USP32: variants seen among roughly 807,000 people sequenced by gnomAD.
The protein encoded by USP32 is ubiquitin carboxyl-terminal hydrolase 32.
In USP32, 59 loss-of-function variants were observed where a neutral mutation model predicts 204.8. The observed-to-expected ratio is 0.29, with a 90% CI of 0.23 to 0.36. USP32 has a LOEUF of 0.36. Among genes scored for constraint, USP32 ranks in the 10% least tolerant of loss-of-function variants. The pLI is 1.00. For synonymous variants in USP32, 517 were observed against 678.4 expected (o/e 0.76, Z 3.70); for missense variants, 1,160 against 1,946.4 (o/e 0.60, Z 7.60).
intron 1 of USP32, among the ~76,000 whole-genome samples, chr17:60,410,103 A>T (rs1446706617): frequency 6.6e-6 from 1 of 152,208 alleles, no homozygotes; most frequent in Non-Finnish European, 1.5e-5. Flanking sequence ...AAGATTTGTA[A>T]TCTCCCCAGT....
chr17:60,371,924 T>C (rs2146088979), intron 1 of USP32, among the ~76,000 whole-genome samples: 1 of 152,324 alleles, frequency 6.6e-6, no homozygotes, highest in African/African-American at 2.4e-5. Context: ...AAACAAACAT[T>C]GTGCTAGAAA....
At chr17:60,245,867 T>TA (rs202153149) in intron 11 of USP32, among the ~76,000 whole-genome samples, 7 of 151,410 alleles carry the variant, frequency 4.6e-5, no homozygotes, top group Non-Finnish European at 7.4e-5. Flanking sequence ...TGTTTTTTTT[T>TA]AAAAAGCTTT....
intron 1 of USP32, among the ~76,000 whole-genome samples, chr17:60,397,788 CAAAA>C (rs550965787): frequency 6.6e-6 from 1 of 151,798 alleles, no homozygotes; most frequent in African/African-American, 2.4e-5. Context: ...TCCTGATACT[CAAAA>C]AAAATTCTGA....
Position 60,190,776 on chromosome 17 carries a change from G to A in USP32, c.3522-93C>T, listed in dbSNP as rs757347774. 2.0e-6 allele frequency: 3 copies of A among 1,516,598 alleles called. No homozygotes were observed. In the Admixed American group the frequency reaches 7.6e-5, roughly 38 times the overall value. The allele number at this position is 1,516,598 out of a possible 1,614,324, so 93.9% of individuals were successfully genotyped here. On this transcript the variant is annotated intron_variant, in intron 28 of 33. Coordinates refer to ENST00000300896, the MANE Select transcript of USP32 (RefSeq NM_032582.4). ...AAATATTCTCCCTTCCTACTTTTCTGCTTTCCTCTTGGGCCTCACAATTTG... is the reference window on the plus strand; with the variant it reads ...AAATATTCTCCCTTCCTACTTTTCTACTTTCCTCTTGGGCCTCACAATTTG...
rs367808662 is a variant in USP32, at chr17:60,189,119, G to A, written c.3642+1444C>T. 3.3e-5 allele frequency among the ~76,000 whole-genome samples: 5 copies of A among 152,374 alleles called. No individual in the cohort carries two copies. In the South Asian group the frequency reaches 1.0e-3, roughly 32 times the overall value. ...AGATTTTGTGCTGACAAAGATTTAT[G>A]AATCTATCAACTAGTAAAATTTTCC... On this transcript the variant is annotated intron_variant, in intron 29 of 33. Coordinates refer to ENST00000300896, the MANE Select transcript of USP32 (RefSeq NM_032582.4).
intron 28 of USP32, among the ~76,000 whole-genome samples, chr17:60,191,398 T>C (rs979795015): frequency 2.8e-5 from 3 of 108,780 alleles, no homozygotes; most frequent in Non-Finnish European, 5.0e-5. Context: ...TGAGACTCTG[T>C]TTAAAAAAAA....
intron 14 of USP32, 124 bp from the exon 15 acceptor site, chr17:60,222,673 CT>C: frequency 1.6e-6 from 1 of 616,782 alleles, no homozygotes; most frequent in Non-Finnish European, 2.6e-6. Context: ...GCTGGAAAAA[CT>C]TAATTTTTTT....
intron 2 of USP32, among the ~76,000 whole-genome samples, chr17:60,331,760 T>C (rs1453786086): frequency 1.4e-5 from 2 of 145,266 alleles, no homozygotes; most frequent in Non-Finnish European, 3.0e-5. Flanking sequence ...TAGCCAGGCA[T>C]AGTGGCATGC....
chr17:60,235,631 T>C (rs913363801), intron 12 of USP32, among the ~76,000 whole-genome samples: 1 of 152,220 alleles, frequency 6.6e-6, no homozygotes, highest in Non-Finnish European at 1.5e-5. Context: ...ATTACTCTTT[T>C]CAATTTTCTA....
At chr17:60,190,430 G>A (rs1304094882) in intron 29 of USP32, 133 bp downstream of exon 29, 2 of 1,237,784 alleles carry the variant, frequency 1.6e-6, no homozygotes, top group African/African-American at 3.1e-5. Context: ...AATATATTAG[G>A]TGCCATAGAG....
intron 1 of USP32, among the ~76,000 whole-genome samples, chr17:60,387,690 A>T (rs1240475567): frequency 5.1e-4 from 77 of 152,212 alleles, no homozygotes; most frequent in Non-Finnish European, 9.1e-4. Context: ...TTACCTCCCA[A>T]TAAACCCATC....
intron 15 of USP32, 114 bp downstream of exon 15, chr17:60,222,283 GTTCAGAACACTC>G (rs2085272290): frequency 2.7e-6 from 3 of 1,100,618 alleles, no homozygotes; most frequent in Admixed American, 2.3e-5. Flanking sequence ...ATCCACACAG[GTTCAGAACACTC>G]TTCTACCACA....
intron 12 of USP32, among the ~76,000 whole-genome samples, chr17:60,227,963 A>G (rs1376750869): frequency 6.6e-6 from 1 of 152,156 alleles, no homozygotes; most frequent in Non-Finnish European, 1.5e-5. Flanking sequence ...GTAGGAATCT[A>G]TATTACATAT....
intron 2 of USP32, among the ~76,000 whole-genome samples, chr17:60,316,773 G>A (rs2087991012): frequency 6.6e-6 from 1 of 152,098 alleles, no homozygotes; most frequent in Non-Finnish European, 1.5e-5. Context: ...CCTGGGAGGT[G>A]GAGGTTGCAG....
In USP32 at chr17:60,177,976, CT is replaced by C. The variant is rs1357664365; in HGVS notation, c.*1278del. Among the ~76,000 whole-genome samples, 1 of 151,824 alleles carries C rather than the reference CT, an allele frequency of 6.6e-6. No individual in the cohort carries two copies. The highest frequency in any genetic ancestry group is 1.5e-5 in the Non-Finnish European group (1 of 67,978). On this transcript the variant is annotated 3_prime_UTR_variant, in exon 34 of 34. Transcript: ENST00000300896. ...ATTAAAAAACTACACGAAAAAAATG[CT>C]ACCTGAAATAAATAATATTTATACT... is the stretch of plus-strand genomic sequence containing the variant.
At chr17:60,215,740 T>C (rs2085085062) in intron 16 of USP32, among the ~76,000 whole-genome samples, 1 of 152,206 alleles carries the variant, frequency 6.6e-6, no homozygotes, top group African/African-American at 2.4e-5. Flanking sequence ...AGACTCTACA[T>C]AGCCAAACAG....
rs550708652 is a variant in USP32 at position 60,288,978 on chromosome 17, C to A, written c.412-296G>T. ...CCAGATTTTGTTTGCTAAGTATATCCCAAAACCAGTAAACTGCATTTTGTT... is the reference window on the plus strand; with the variant it reads ...CCAGATTTTGTTTGCTAAGTATATCACAAAACCAGTAAACTGCATTTTGTT... On this transcript the variant is annotated intron_variant, in intron 4 of 33. Coordinates refer to ENST00000300896, the MANE Select transcript of USP32 (RefSeq NM_032582.4). 2.6e-4 allele frequency among the ~76,000 whole-genome samples: 40 copies of A among 152,184 alleles called. No homozygotes were observed. The South Asian group carries it at 7.9e-3, about 30-fold the overall frequency.
chr17:60,233,004 C>T (rs969155915), intron 12 of USP32, among the ~76,000 whole-genome samples: 6 of 152,074 alleles, frequency 3.9e-5, no homozygotes, highest in African/African-American at 1.4e-4. Flanking sequence ...ATAGATATTA[C>T]TATTAATCTC....
intron 2 of USP32, among the ~76,000 whole-genome samples, chr17:60,331,824 G>C (rs970395558): frequency 6.7e-6 from 1 of 148,478 alleles, no homozygotes; most frequent in African/African-American, 2.5e-5. Flanking sequence ...CTTGAGCTTG[G>C]GGAGGTCAAC....
Sources: allele counts gnomAD v4.1 joint callset (sites outside exome capture counted in the v4.1 genomes callset), GRCh38; gene constraint gnomAD v4.1.1; transcripts MANE v1.5; gene names NCBI Gene and HGNC (gene_info 2026-07-23, HGNC 2026-07-21).